USP31: variants seen among roughly 807,000 people sequenced by gnomAD.
USP31 encodes the protein ubiquitin specific peptidase 31.
USP31 carries 44 observed loss-of-function variants against 119.4 expected under a neutral mutation model. That is an observed-to-expected ratio of 0.37 (90% confidence interval 0.29 to 0.47). USP31 has a LOEUF of 0.47. Among genes scored for constraint, USP31 ranks in the 20% least tolerant of loss-of-function variants. USP31 has a pLI of 0.99. For missense variants in USP31, 1,643 were observed against 1,730.2 expected, an observed-to-expected ratio of 0.95 and a Z score of 0.89; for synonymous variants, 749 against 705.6, an observed-to-expected ratio of 1.06 and a Z score of -0.97.
intron 11 of USP31, among the ~76,000 whole-genome samples, chr16:23,084,254 A>G (rs1332566842): frequency 2.6e-5 from 4 of 152,146 alleles, no homozygotes; most frequent in East Asian, 3.8e-4. Flanking sequence ...GCCCCACCCA[A>G]AGAGGCTTAT....
rs146467360 is a variant in USP31 at position 23,069,691 on chromosome 16, T to C, written c.2489-75A>G. On this transcript the variant is annotated intron_variant, in intron 15 of 15. Coordinates refer to ENST00000219689, the MANE Select transcript of USP31 (RefSeq NM_020718.4). ...TAACAACACTGTAAGACACTGAAGG[T>C]GAAACGAAGGTAAGCCTCATGGGAT... The C allele has an allele frequency of 1.2e-4, 187 of 1,502,662 alleles. No homozygotes were observed. In the African/African-American group the frequency reaches 2.4e-3, roughly 19 times the overall value. The allele number at this position is 1,502,662 out of a possible 1,614,324, so 93.1% of individuals were successfully genotyped here.
At chr16:23,108,315 G>C in intron 1 of USP31, 132 bp from the exon 2 acceptor site, 1 of 1,253,958 alleles carries the variant, frequency 8.0e-7, no homozygotes, top group South Asian at 1.8e-5. Context: ...GGAGTGCAAA[G>C]TAAAAACAGA....
At chr16:23,110,004 A>T (rs530360971) in intron 1 of USP31, among the ~76,000 whole-genome samples, 13 of 152,212 alleles carry the variant, frequency 8.5e-5, no homozygotes, top group Non-Finnish European at 1.6e-4. Flanking sequence ...AAAACGCACA[A>T]GAGACTAACT....
rs1355734591 is a variant in USP31 at position 23,149,024 on chromosome 16, C to A, written c.247G>T (p.Ala83Ser). ...CGGAGGCCGCCGCGGTCTGGGGCGG[C>A]GCCCTCAGAGCTAAGGTGCGAGAGC... The part of the protein sequence containing the change: ...STLSHLSSEG[A>S]APDRGGLRSC... Residue 83 changes from alanine (A) to serine (S), a missense_variant, in exon 1 of 16, where the codon GCC (alanine) becomes TCC (serine). Physicochemically the swap from Ala to Ser is moderately conservative, Grantham distance 99. Around this residue, in one of 5 missense-constraint regions of USP31, gnomAD observed 302 missense variants for 262.6 expected, o/e 1.15. Transcript: ENST00000219689. The A allele has an allele frequency of 8.6e-7, 1 of 1,169,116 alleles. No individual in the cohort carries two copies. The highest frequency in any genetic ancestry group is 1.1e-6 in the Non-Finnish European group (1 of 928,306). The allele number at this position is 1,169,116 out of a possible 1,614,324, so 72.4% of individuals were successfully genotyped here. A position where few individuals can be genotyped will look rare whatever the true frequency, so the allele number is the denominator to read the frequency against.
chr16:23,075,742 TTA>T (rs1275967195), intron 13 of USP31, among the ~76,000 whole-genome samples: 1 of 152,182 alleles, frequency 6.6e-6, no homozygotes, highest in Non-Finnish European at 1.5e-5. Context: ...GATTATATCA[TTA>T]TACCATCGAT....
intron 1 of USP31, among the ~76,000 whole-genome samples, chr16:23,122,774 T>C (rs558926750): frequency 2.6e-5 from 4 of 152,202 alleles, no homozygotes; most frequent in Non-Finnish European, 5.9e-5. Flanking sequence ...TTAGTGTTCA[T>C]GTAGGGCTGG....
intron 1 of USP31, among the ~76,000 whole-genome samples, chr16:23,145,366 G>A (rs193239602): frequency 5.1e-4 from 77 of 152,094 alleles, no homozygotes; most frequent in Admixed American, 1.2e-3. Context: ...CATGAGAAGC[G>A]CTGTCTCAGG....
intron 1 of USP31, among the ~76,000 whole-genome samples, chr16:23,133,128 T>C (rs937003664): frequency 6.6e-5 from 10 of 152,158 alleles, no homozygotes; most frequent in African/African-American, 2.4e-4. Flanking sequence ...AGGCAACTCA[T>C]CCTATTTTCA....
In USP31 at chr16:23,087,158, C is replaced by A; in HGVS notation, c.1556G>T (p.Ser519Ile). 3.1e-6 allele frequency: 5 copies of A among 1,613,818 alleles called. No homozygotes were observed. The highest frequency in any genetic ancestry group is 4.2e-6 in the Non-Finnish European group (5 of 1,179,886). ...CAGCAAATATGTTATTCCAACAACACTGACCACACGCAAGCTGAATGGACA... is the reference window on the plus strand; with the variant it reads ...CAGCAAATATGTTATTCCAACAACAATGACCACACGCAAGCTGAATGGACA... ...QVCPFSLRVV[S>I]VVGITYLLPQ... The change falls in exon 9 of 16, where the codon AGT (serine) becomes ATT (isoleucine). Residue 519 changes from serine to isoleucine, a missense_variant. Transcript: ENST00000219689.
intron 1 of USP31, 87 bp downstream of exon 1, chr16:23,148,551 A>C: frequency 7.2e-7 from 1 of 1,380,576 alleles, no homozygotes; most frequent in Non-Finnish European, 9.3e-7. Flanking sequence ...CTGCCGGGCC[A>C]AGAGGAACCG....
At chr16:23,094,500 T>C (rs1596704627) in intron 6 of USP31, among the ~76,000 whole-genome samples, 2 of 152,320 alleles carry the variant, frequency 1.3e-5, no homozygotes, top group South Asian at 2.1e-4. Context: ...GCAGTGGTTC[T>C]CCCAGCATGG....
intron 12 of USP31, among the ~76,000 whole-genome samples, chr16:23,081,698 C>CTTTGGGGTT (rs1900834776): frequency 6.6e-6 from 1 of 152,234 alleles, no homozygotes; most frequent in Admixed American, 6.5e-5. Context: ...GGACAACCAG[C>CTTTGGGGTT]ATCCACCCAC....
chr16:23,090,299 T>A (rs1040312230), intron 7 of USP31, among the ~76,000 whole-genome samples: 17 of 152,038 alleles, frequency 1.1e-4, no homozygotes, highest in African/African-American at 3.9e-4. Context: ...GCCAAGAGAA[T>A]CGCTTGAACC....
Position 23,069,311 on chromosome 16 carries a change from G to A in USP31, c.2794C>T (p.Arg932Cys), listed in dbSNP as rs749490337. 16 of 1,606,752 alleles carry A rather than the reference G, an allele frequency of 1.0e-5. No homozygotes were observed. Among genetic ancestry groups the A allele is most frequent in the South Asian group, 2.2e-5 (2 of 89,642 alleles). Reference sequence around the variant, plus strand: ...GCCCGGCCCACAGCCTTGTGCTCACGGCGACTATGACTGTCGCTTGGTTCC... The same window carrying A: ...GCCCGGCCCACAGCCTTGTGCTCACAGCGACTATGACTGTCGCTTGGTTCC... ...YQEPSDSHSRREHKAVGRAPL... is the reference protein window; with the variant it reads ...YQEPSDSHSRCEHKAVGRAPL... The change falls in exon 16 of 16, where the codon CGT becomes TGT. Residue 932 changes from arginine to cysteine, a missense_variant. Around this residue, in one of 5 missense-constraint regions of USP31, gnomAD observed 699 missense variants for 650.9 expected, o/e 1.07. Coordinates refer to ENST00000219689, the MANE Select transcript of USP31 (RefSeq NM_020718.4).
intron 1 of USP31, among the ~76,000 whole-genome samples, chr16:23,111,062 C>T (rs891201468): frequency 9.9e-5 from 15 of 152,050 alleles, no homozygotes; most frequent in Middle Eastern, 6.8e-3. Context: ...CGGGAGGCAG[C>T]GCTTGCAGTG....
Position 23,087,199 on chromosome 16 carries a change from T to A in USP31, c.1528-13A>T. On this transcript the variant is annotated splice_polypyrimidine_tract_variant and intron_variant, in intron 8 of 15. Coordinates refer to ENST00000219689, the MANE Select transcript of USP31 (RefSeq NM_020718.4). Reference sequence around the variant, plus strand: ...TGAATGGACACACCTGCATCAGATGTTAGATGAGAATTAAGCCAAATTTTT... The same window carrying A: ...TGAATGGACACACCTGCATCAGATGATAGATGAGAATTAAGCCAAATTTTT... 6.2e-7 allele frequency: 1 copy of A among 1,606,986 alleles called. No homozygotes were observed. Among genetic ancestry groups the A allele is most frequent in the Non-Finnish European group, 8.5e-7 (1 of 1,178,004 alleles).
At chr16:23,071,122 T>C (rs1436977868) in intron 15 of USP31, among the ~76,000 whole-genome samples, 1 of 152,222 alleles carries the variant, frequency 6.6e-6, no homozygotes, top group East Asian at 1.9e-4. Context: ...CCAATGTTTT[T>C]ATTTTACAAA....
Position 23,134,120 on chromosome 16 carries a change from C to A in USP31, c.633+14518G>T, listed in dbSNP as rs1596735090. 2.8e-5 allele frequency among the ~76,000 whole-genome samples: 4 copies of A among 141,334 alleles called. No homozygotes were observed. The South Asian group carries it at 6.9e-4, about 24-fold the overall frequency. The allele number at this position is 141,334 out of a possible 152,430, so 92.7% of individuals were successfully genotyped here. A position where few individuals can be genotyped will look rare whatever the true frequency, so the allele number is the denominator to read the frequency against. Reference sequence around the variant, plus strand: ...ACACACACACACACACACACACACACACAAATCGAACAGATTACTTTGTTT... The same window carrying A: ...ACACACACACACACACACACACACAAACAAATCGAACAGATTACTTTGTTT... On this transcript the variant is annotated intron_variant, in intron 1 of 15. Coordinates refer to ENST00000219689, the MANE Select transcript of USP31 (RefSeq NM_020718.4).
chr16:23,082,109 T>A (rs1900857490), intron 12 of USP31, among the ~76,000 whole-genome samples: 1 of 152,178 alleles, frequency 6.6e-6, no homozygotes, highest in Admixed American at 6.5e-5. Flanking sequence ...AGAACACCCA[T>A]ATTACATTAG....
Sources: allele counts gnomAD v4.1 joint callset (sites outside exome capture counted in the v4.1 genomes callset), GRCh38; gene constraint gnomAD v4.1.1; regional missense constraint gnomAD v4.1.1; transcripts MANE v1.5; gene names NCBI Gene and HGNC (gene_info 2026-07-23, HGNC 2026-07-21).